The following COL4A2 variants were observed in gnomAD, a reference collection of about 807,000 sequenced individuals.
COL4A2 encodes the protein collagen type IV alpha 2 chain, also known as collagen alpha-2(IV) chain.
A neutral mutation model predicts 200.2 loss-of-function variants in COL4A2; 99 were observed. The observed-to-expected ratio is 0.49, with a 90% CI of 0.42 to 0.58. The LOEUF (loss-of-function observed/expected upper bound fraction) is 0.58. Among genes scored for constraint, COL4A2 ranks in the 20% least tolerant of loss-of-function variants. COL4A2 has a pLI of 0.00. For synonymous variants in COL4A2, 897 were observed against 900.6 expected, an observed-to-expected ratio of 1.00 and a Z score of 0.07; for missense variants, 1,950 against 2,314.1, an observed-to-expected ratio of 0.84 and a Z score of 3.23.
chr13:110,437,258 G>A (rs962728623), intron 13 of COL4A2, among the ~76,000 whole-genome samples: 5 of 152,172 alleles, frequency 3.3e-5, no homozygotes, highest in Non-Finnish European at 5.9e-5. Context: ...AAAATGTCCT[G>A]GGAGACGGCA....
rs549734290 is a variant in COL4A2 at position 110,466,113 on chromosome 13, G to A, written c.2038+51G>A. The A allele has an allele frequency of 2.2e-5, 35 of 1,584,814 alleles. No homozygotes were observed. The East Asian group carries it at 3.2e-4, about 14-fold the overall frequency. The stretch of plus-strand genomic sequence containing the variant: ...TAGGACACTAGAGAACTCTCATTTG[G>A]TCTGCTGGTTAAGCTCTTGCAGTAT... On this transcript the variant is annotated intron_variant, in intron 26 of 47. Coordinates refer to ENST00000360467, the MANE Select transcript of COL4A2 (RefSeq NM_001846.4).
chr13:110,307,924 G>C lies in COL4A2; in HGVS notation c.21G>C (p.Ala7=). 6.2e-7 allele frequency: 1 copy of C among 1,612,912 alleles called. No homozygotes were observed. The highest frequency in any genetic ancestry group is 8.5e-7 in the Non-Finnish European group (1 of 1,179,686). Residue 7 remains alanine, a synonymous_variant, in exon 2 of 48, where the codon GCG becomes GCC. Coordinates refer to ENST00000360467, the MANE Select transcript of COL4A2 (RefSeq NM_001846.4). This position sits in a 1 kb window ranked among gnomAD's most constrained non-coding sequence, Gnocchi z 5.0. MGRDQR[A]VAGPALRRWL... ...CCAGCATGGGGAGAGACCAGCGCGC[G>C]GTGGCCGGCCCTGCCCTACGGCGGT...
rs1418256578 is a variant in COL4A2 at position 110,495,616 on chromosome 13, AC to A, written c.3760+151del. The A allele has an allele frequency of 5.0e-6, 5 of 1,008,060 alleles. No individual in the cohort carries two copies. In the East Asian group the frequency reaches 1.3e-4, roughly 26 times the overall value. The allele number at this position is 1,008,060 out of a possible 1,614,324, so 62.4% of individuals were successfully genotyped here. On this transcript the variant is annotated intron_variant, in intron 40 of 47. Coordinates refer to ENST00000360467, the MANE Select transcript of COL4A2 (RefSeq NM_001846.4). ...TCTGGGGAGGACTACCTGTTGCAGG[AC>A]CTCTCAGCTAGTCTTAGTTTGTTAG...
At chr13:110,406,104 A>G (rs771180082) in intron 4 of COL4A2, among the ~76,000 whole-genome samples, 8 of 152,232 alleles carry the variant, frequency 5.3e-5, no homozygotes, top group African/African-American at 7.2e-5. Context: ...ATTTGGCTCA[A>G]AGAAAACACT....
chr13:110,508,714 C>G lies in COL4A2; in HGVS notation c.4881+493C>G, dbSNP rs1370401785. On this transcript the variant is annotated intron_variant, in intron 47 of 47. Coordinates refer to ENST00000360467, the MANE Select transcript of COL4A2 (RefSeq NM_001846.4). This position sits in a 1 kb window ranked among gnomAD's most constrained non-coding sequence, Gnocchi z 6.1. ...ATACCTTTGGGTATAAAATAGAGAG[C>G]CTGTGGATACTTTGAAAGCCAGGAG... Among the ~76,000 whole-genome samples, 1 of 152,116 alleles carries G rather than the reference C, an allele frequency of 6.6e-6. No homozygotes were observed. Among genetic ancestry groups the G allele is most frequent in the East Asian group, 1.9e-4 (1 of 5,198 alleles).
At chr13:110,477,030 A>AT (rs551093251) in intron 29 of COL4A2, among the ~76,000 whole-genome samples, 12 of 152,308 alleles carry the variant, frequency 7.9e-5, no homozygotes, top group Middle Eastern at 3.4e-3. Flanking sequence ...TCTATCAGGA[A>AT]AATATAAAAC....
chr13:110,507,769 A>G (rs962861969), intron 46 of COL4A2, 166 bp from the exon 47 acceptor site: 8 of 653,278 alleles, frequency 1.2e-5, no homozygotes, highest in Admixed American at 2.9e-5. Flanking sequence ...AAAAGAGAAA[A>G]AGAAAGAAAT....
intron 22 of COL4A2, among the ~76,000 whole-genome samples, chr13:110,460,358 G>A (rs1049675275): frequency 6.6e-6 from 1 of 152,174 alleles, no homozygotes; most frequent in Non-Finnish European, 1.5e-5. Context: ...AAAATAGCAG[G>A]TGCTCATTTT....
intron 4 of COL4A2, among the ~76,000 whole-genome samples, chr13:110,406,081 A>G (rs928761702): frequency 5.3e-5 from 8 of 152,232 alleles, no homozygotes; most frequent in Non-Finnish European, 7.3e-5. Context: ...ACTGTCTTGC[A>G]TGACAAAGTA....
At chr13:110,410,193 C>T (rs1174230437) in intron 4 of COL4A2, among the ~76,000 whole-genome samples, 1 of 152,220 alleles carries the variant, frequency 6.6e-6, no homozygotes, top group East Asian at 1.9e-4. Context: ...GTGAGACATC[C>T]GTGAGCAAGA....
At chr13:110,430,692 G>C in intron 10 of COL4A2, 85 bp downstream of exon 10, 1 of 1,556,618 alleles carries the variant, frequency 6.4e-7, no homozygotes, top group Non-Finnish European at 8.9e-7. Flanking sequence ...GTTGACTCCA[G>C]ATGAGAGCTT....
chr13:110,465,656 G>T, intron 25 of COL4A2, 50 bp downstream of exon 25: 1 of 1,472,844 alleles, frequency 6.8e-7, no homozygotes, highest in Non-Finnish European at 9.2e-7. Context: ...GACATTCCAC[G>T]CTTTCCTTTG....
chr13:110,357,440 A>C, intron 3 of COL4A2, 32 bp from the exon 4 acceptor site: 1 of 1,562,684 alleles, frequency 6.4e-7, no homozygotes, highest in Non-Finnish European at 8.7e-7. Context: ...TGTTTAGGTA[A>C]CTTTTCTTTG....
rs781255496 is a variant in COL4A2, at chr13:110,484,934, C to G, written c.2932C>G (p.Pro978Ala). 6.2e-7 allele frequency: 1 copy of G among 1,612,530 alleles called. No individual in the cohort carries two copies. Among genetic ancestry groups the G allele is most frequent in the Non-Finnish European group, 8.5e-7 (1 of 1,178,836 alleles). The change falls in exon 33 of 48, where the codon CCA (proline) becomes GCA (alanine). Residue 978 changes from proline (P) to alanine (A), a missense_variant. Coordinates refer to ENST00000360467, the MANE Select transcript of COL4A2 (RefSeq NM_001846.4). The stretch of plus-strand genomic sequence containing the variant: ...CCGAGGGGACCCTGGGCCCCCAGGA[C>G]CACCTCCTGTCATCCTGCCAGGAAT... Reference protein sequence around the residue: ...GSRGDPGPPGPPPVILPGMKD... With the variant: ...GSRGDPGPPGAPPVILPGMKD...
intron 16 of COL4A2, 68 bp downstream of exon 16, chr13:110,439,901 G>A: frequency 6.5e-7 from 1 of 1,549,588 alleles, no homozygotes; most frequent in African/African-American, 1.4e-5. Flanking sequence ...AAATAAATAG[G>A]CCTTGGCATC....
intron 4 of COL4A2, among the ~76,000 whole-genome samples, chr13:110,368,951 G>T (rs998700701): frequency 1.3e-5 from 2 of 152,136 alleles, no homozygotes; most frequent in African/African-American, 4.8e-5. Flanking sequence ...GCTCGCACCT[G>T]TAATCCCAGC....
chr13:110,342,302 T>C (rs944166215), intron 3 of COL4A2, among the ~76,000 whole-genome samples: 3 of 152,242 alleles, frequency 2.0e-5, no homozygotes, highest in African/African-American at 7.2e-5. Flanking sequence ...AGTAAGACCC[T>C]TTTAAGGTGA....
chr13:110,471,510 A>G (rs145054337), intron 28 of COL4A2, among the ~76,000 whole-genome samples: 168 of 152,352 alleles, frequency 1.1e-3, no homozygotes, highest in Admixed American at 4.1e-3. Flanking sequence ...CAGAGAGTCT[A>G]TTCCAGATCT....
chr13:110,511,840 G>C (rs1884091535), intron 47 of COL4A2, 94 bp from the exon 48 acceptor site: 1 of 1,579,196 alleles, frequency 6.3e-7, no homozygotes, highest in South Asian at 1.1e-5. Flanking sequence ...TTGCTGTTCA[G>C]TAAAAACAAA....
Sources: allele counts gnomAD v4.1 joint callset (sites outside exome capture counted in the v4.1 genomes callset), GRCh38; gene constraint gnomAD v4.1.1; non-coding constraint Gnocchi (gnomAD v3.1); transcripts MANE v1.5; gene names NCBI Gene and HGNC (gene_info 2026-07-23, HGNC 2026-07-21).